The following HS3ST4 variants were observed in gnomAD, a reference collection of about 807,000 sequenced individuals.
HS3ST4 encodes the protein heparan sulfate glucosamine 3-O-sulfotransferase 4.
Under a neutral mutation model 29.2 loss-of-function variants are expected in HS3ST4, and 17 were observed. The ratio of observed to expected loss-of-function variants is 0.58; its 90% CI spans 0.40 to 0.87. HS3ST4 has a LOEUF of 0.87. Ranked by LOEUF, HS3ST4 falls within the 40% of genes least tolerant of loss-of-function variation. The probability of loss-of-function intolerance (pLI) is 0.00; values close to 1 mark genes in which losing one functional copy is unlikely to be tolerated. For synonymous variants in HS3ST4, 314 were observed against 285.7 expected, an observed-to-expected ratio of 1.10 and a Z score of -1.00; for missense variants, 627 against 634.5, an observed-to-expected ratio of 0.99 and a Z score of 0.13.
intron 1 of HS3ST4, among the ~76,000 whole-genome samples, chr16:26,026,889 C>T (rs977071597): frequency 2.0e-5 from 3 of 152,148 alleles, no homozygotes; most frequent in African/African-American, 7.2e-5. Flanking sequence ...GAGATGTCCT[C>T]ATGGGACATT....
At chr16:26,036,447 G>T (rs903846048) in intron 1 of HS3ST4, among the ~76,000 whole-genome samples, 2 of 152,162 alleles carry the variant, frequency 1.3e-5, no homozygotes, top group Non-Finnish European at 2.9e-5. Context: ...TTGATTGTTT[G>T]TCTTGCCTGA....
At chr16:26,071,764 G>A (rs891549412) in intron 1 of HS3ST4, among the ~76,000 whole-genome samples, 1 of 152,128 alleles carries the variant, frequency 6.6e-6, no homozygotes, top group Non-Finnish European at 1.5e-5. Context: ...ACATTGAAGG[G>A]AGCGCTCACT....
intron 1 of HS3ST4, among the ~76,000 whole-genome samples, chr16:25,948,279 T>C (rs531104101): frequency 6.6e-6 from 1 of 152,124 alleles, no homozygotes; most frequent in East Asian, 1.9e-4. Context: ...AATGGGAAAA[T>C]AGAATTTGTA....
intron 1 of HS3ST4, among the ~76,000 whole-genome samples, chr16:25,828,292 CTTTCTTT>C (rs1454356802): frequency 3.3e-4 from 27 of 81,100 alleles, no homozygotes; most frequent in East Asian, 2.7e-3. Flanking sequence ...TTCTTTCTTT[CTTTCTTT>C]CCCTCTCTCT....
chr16:26,009,656 G>A (rs1047658813), intron 1 of HS3ST4, among the ~76,000 whole-genome samples: 9 of 152,310 alleles, frequency 5.9e-5, no homozygotes, highest in Middle Eastern at 3.4e-3. Flanking sequence ...GTGGTCAAGC[G>A]AAGGAAAACG....
At chr16:25,992,703 A>T (rs1312843420) in intron 1 of HS3ST4, among the ~76,000 whole-genome samples, 15 of 152,184 alleles carry the variant, frequency 9.9e-5, no homozygotes, top group Admixed American at 9.8e-4. Context: ...CCTTGGCGAA[A>T]CTTTGAGGCT....
At chr16:26,010,992 G>A (rs148169470) in intron 1 of HS3ST4, among the ~76,000 whole-genome samples, 61 of 152,264 alleles carry the variant, frequency 4.0e-4, no homozygotes, top group African/African-American at 1.4e-3. Context: ...ATGAGCTAAC[G>A]TATGAGAGTG....
At chr16:25,705,079 C>T (rs1166307535) in intron 1 of HS3ST4, among the ~76,000 whole-genome samples, 2 of 152,088 alleles carry the variant, frequency 1.3e-5, no homozygotes, top group African/African-American at 4.8e-5. Flanking sequence ...AGGAGATGAG[C>T]ACGGATTATT....
chr16:25,994,487 A>G lies in HS3ST4; in HGVS notation c.735-141125A>G, dbSNP rs1969142456. Among the ~76,000 whole-genome samples the G allele has an allele frequency of 1.3e-5, 2 of 152,084 alleles. 1 individual carries two copies. The highest frequency in any genetic ancestry group is 4.1e-4 in the South Asian group (2 of 4,830). The stretch of plus-strand genomic sequence containing the variant: ...ATATACTGTTTATTTATGAGTCACC[A>G]TTTTTATCTTTCCCATACTGCCTTT... On this transcript the variant is annotated intron_variant, in intron 1 of 1. Transcript: ENST00000331351.
At chr16:26,012,184 A>C (rs1164692592) in intron 1 of HS3ST4, among the ~76,000 whole-genome samples, 2 of 152,228 alleles carry the variant, frequency 1.3e-5, no homozygotes, top group African/African-American at 2.4e-5. Context: ...ACCATAAAAC[A>C]AGGAAACAGT....
chr16:26,060,728 A>C (rs1898465193), intron 1 of HS3ST4, among the ~76,000 whole-genome samples: 1 of 152,232 alleles, frequency 6.6e-6, no homozygotes, highest in Non-Finnish European at 1.5e-5. Flanking sequence ...CCCAGACACC[A>C]TACTGAGGCA....
intron 1 of HS3ST4, among the ~76,000 whole-genome samples, chr16:25,795,299 CT>C (rs573213226): frequency 6.6e-6 from 1 of 151,180 alleles, no homozygotes; most frequent in Admixed American, 6.6e-5. Context: ...TTTCTTTTCT[CT>C]TTTTTTTTAC....
Position 25,786,154 on chromosome 16 carries a change from ATGACTAGG to A in HS3ST4, c.734+93005_734+93012del, listed in dbSNP as rs1596570225. Among the ~76,000 whole-genome samples the A allele has an allele frequency of 2.0e-5, 3 of 152,276 alleles. No individual in the cohort carries two copies. The East Asian group carries it at 5.8e-4, about 29-fold the overall frequency. ...TCACTAAACCAGGGAAGATTGGAAA[ATGACTAGG>A]TCTGGGGGGAAATGAGGAAATGGGC... On this transcript the variant is annotated intron_variant, in intron 1 of 1. Coordinates refer to ENST00000331351, the MANE Select transcript of HS3ST4 (RefSeq NM_006040.3).
At chr16:25,801,273 A>C (rs1201621950) in intron 1 of HS3ST4, among the ~76,000 whole-genome samples, 1 of 152,184 alleles carries the variant, frequency 6.6e-6, no homozygotes, top group East Asian at 1.9e-4. Context: ...GCTGGTATGC[A>C]ACATAGTGCA....
intron 1 of HS3ST4, among the ~76,000 whole-genome samples, chr16:26,118,232 A>G (rs1015401302): frequency 6.6e-6 from 1 of 152,102 alleles, no homozygotes; most frequent in Non-Finnish European, 1.5e-5. Flanking sequence ...CACTTGGCTA[A>G]TTTTTAAAAT....
intron 1 of HS3ST4, among the ~76,000 whole-genome samples, 171 bp downstream of exon 1, chr16:25,693,322 T>C (rs1195007667): frequency 6.6e-6 from 1 of 152,136 alleles, no homozygotes; most frequent in Non-Finnish European, 1.5e-5. Flanking sequence ...CTGAGAGGGC[T>C]GGACTCCAGC....
chr16:25,995,820 A>C (rs1394944106), intron 1 of HS3ST4, among the ~76,000 whole-genome samples: 2 of 152,202 alleles, frequency 1.3e-5, no homozygotes, highest in Non-Finnish European at 2.9e-5. Context: ...CTTTTAGAAG[A>C]GATGTTGAAA....
intron 1 of HS3ST4, among the ~76,000 whole-genome samples, chr16:25,978,983 C>T (rs1198786055): frequency 4.0e-5 from 6 of 149,062 alleles, no homozygotes; most frequent in African/African-American, 1.0e-4. Context: ...CTGCAACCTC[C>T]ACCTCCCGGG....
At chr16:25,714,109 G>C (rs762746024) in intron 1 of HS3ST4, among the ~76,000 whole-genome samples, 7 of 152,120 alleles carry the variant, frequency 4.6e-5, no homozygotes, top group Non-Finnish European at 8.8e-5. Flanking sequence ...AGGTTTAACT[G>C]TTAGAGGCCA....
Sources: gnomAD v4.1 joint callset for allele counts (sites outside exome capture counted in the v4.1 genomes callset) on GRCh38, gnomAD v4.1.1 for gene constraint, MANE v1.5 for transcripts, NCBI Gene and HGNC (gene_info 2026-07-23, HGNC 2026-07-21) for gene names.